Variants in SNTB1 observed in about 807,000 individuals in gnomAD.
SNTB1 encodes the protein syntrophin beta 1.
SNTB1 carries 36 observed loss-of-function variants against 48.9 expected under a neutral mutation model. The observed-to-expected ratio is 0.74, with a 90% CI of 0.56 to 0.97. The LOEUF (loss-of-function observed/expected upper bound fraction) is 0.97, where lower values mean the gene tolerates loss of function less well. SNTB1 is among the 50% of genes least tolerant of loss of function. The probability of loss-of-function intolerance (pLI) is 0.00; values close to 1 mark genes in which losing one functional copy is unlikely to be tolerated. For synonymous variants in SNTB1, 299 were observed against 294.6 expected (o/e 1.01, Z -0.15); for missense variants, 786 against 703.4 (o/e 1.12, Z -1.33).
chr8:120,624,760 A>G (rs1434089972), intron 3 of SNTB1, among the ~76,000 whole-genome samples: 2 of 152,174 alleles, frequency 1.3e-5, no homozygotes, highest in East Asian at 3.9e-4. Flanking sequence ...ATTCATACTG[A>G]GGCAAATTCC....
chr8:120,705,113 A>G (rs540552856), intron 1 of SNTB1, among the ~76,000 whole-genome samples: 5 of 152,002 alleles, frequency 3.3e-5, no homozygotes, highest in African/African-American at 1.2e-4. Context: ...CAGCTTGTTG[A>G]AAGGCTCAGG....
At chr8:120,748,604 T>C (rs1351467601) in intron 1 of SNTB1, among the ~76,000 whole-genome samples, 1 of 152,082 alleles carries the variant, frequency 6.6e-6, no homozygotes, top group African/African-American at 2.4e-5. Context: ...GAAGAAGAAA[T>C]GTGTAAGCCC....
At chr8:120,679,230 A>G (rs1817889266) in intron 2 of SNTB1, among the ~76,000 whole-genome samples, 1 of 152,204 alleles carries the variant, frequency 6.6e-6, no homozygotes, top group South Asian at 2.1e-4. Context: ...TTCTGTGTTT[A>G]GTGAGTGATT....
At chr8:120,560,915 C>T (rs1815643114) in intron 4 of SNTB1, among the ~76,000 whole-genome samples, 1 of 152,092 alleles carries the variant, frequency 6.6e-6, no homozygotes. Context: ...TGCTTAGGAT[C>T]CCACAGTTAG....
chr8:120,595,031 G>T (rs557120338), intron 3 of SNTB1, among the ~76,000 whole-genome samples: 14 of 151,822 alleles, frequency 9.2e-5, no homozygotes, highest in Non-Finnish European at 1.9e-4. Flanking sequence ...CAAGCAGAAG[G>T]CCCAGAGGCT....
chr8:120,785,064 A>G (rs767652382), intron 1 of SNTB1, among the ~76,000 whole-genome samples: 3 of 152,194 alleles, frequency 2.0e-5, no homozygotes, highest in Non-Finnish European at 4.4e-5. Flanking sequence ...GCAGGGATGG[A>G]GGGAAACCGT....
chr8:120,682,785 A>C (rs1817954288), intron 2 of SNTB1, among the ~76,000 whole-genome samples: 2 of 152,142 alleles, frequency 1.3e-5, no homozygotes, highest in Non-Finnish European at 2.9e-5. Context: ...GCATGACCAA[A>C]ATGGTGGTTC....
intron 2 of SNTB1, among the ~76,000 whole-genome samples, chr8:120,653,805 C>T (rs1037018395): frequency 2.6e-5 from 4 of 151,626 alleles, no homozygotes; most frequent in Admixed American, 2.0e-4. Flanking sequence ...TTTGGGAGGC[C>T]GAGGCGGGCG....
intron 1 of SNTB1, among the ~76,000 whole-genome samples, chr8:120,699,139 T>G (rs1368640984): frequency 6.6e-6 from 1 of 152,196 alleles, no homozygotes; most frequent in East Asian, 1.9e-4. Context: ...ATATGGCTGC[T>G]GAGTTCCAGC....
chr8:120,746,950 T>C lies in SNTB1; in HGVS notation c.572-53042A>G, dbSNP rs868326796. ...TCAGTCAGTCACAAGGATGTCATCA[T>C]GAATAGTTTGTAATAGGGAGCAACA... On this transcript the variant is annotated intron_variant, in intron 1 of 6. Coordinates refer to ENST00000517992, the MANE Select transcript of SNTB1 (RefSeq NM_021021.4). Among the ~76,000 whole-genome samples, 15 of 152,304 alleles carry C rather than the reference T, an allele frequency of 9.8e-5. No homozygotes were observed. The South Asian group carries it at 2.7e-3, about 27-fold the overall frequency.
intron 3 of SNTB1, among the ~76,000 whole-genome samples, chr8:120,604,296 A>G (rs1390505611): frequency 6.6e-6 from 1 of 152,080 alleles, no homozygotes; most frequent in African/African-American, 2.4e-5. Context: ...CTCATGGCTC[A>G]TGGTGGTGCT....
intron 3 of SNTB1, among the ~76,000 whole-genome samples, chr8:120,595,684 A>T (rs554114631): frequency 1.3e-5 from 2 of 151,906 alleles, no homozygotes; most frequent in Admixed American, 6.6e-5. Context: ...CATGGGTTCA[A>T]GCAATTCTCC....
chr8:120,699,573 C>T (rs1043390367), intron 1 of SNTB1, among the ~76,000 whole-genome samples: 6 of 152,180 alleles, frequency 3.9e-5, no homozygotes, highest in African/African-American at 9.7e-5. Flanking sequence ...CAGATGGTGG[C>T]GCCATGCTTC....
At chr8:120,676,594 G>T (rs1673406424) in intron 2 of SNTB1, among the ~76,000 whole-genome samples, 1 of 152,132 alleles carries the variant, frequency 6.6e-6, no homozygotes, top group African/African-American at 2.4e-5. Context: ...CTAAATGCTG[G>T]TATATAGCAG....
At chr8:120,747,069 TA>T (rs58040024) in intron 1 of SNTB1, among the ~76,000 whole-genome samples, 19,674 of 151,382 alleles carry the variant, frequency 0.13, 1,630 homozygotes, top group African/African-American at 0.23. Flanking sequence ...TATTTTTAAG[TA>T]AAAAAGAAAA....
chr8:120,571,210 C>T, intron 4 of SNTB1: 1 of 1,259,732 alleles, frequency 7.9e-7, no homozygotes, highest in Non-Finnish European at 1.0e-6. Context: ...GCAGAAACTA[C>T]CTTATTTCAA....
At chr8:120,586,250 T>A (rs1276069778) in intron 3 of SNTB1, among the ~76,000 whole-genome samples, 4 of 152,232 alleles carry the variant, frequency 2.6e-5, no homozygotes, top group Non-Finnish European at 2.9e-5. Context: ...AATCCGAATG[T>A]TTTTATGTAA....
Position 120,698,546 on chromosome 8 carries a change from T to TA in SNTB1, c.572-4639dup, listed in dbSNP as rs575148817. Among the ~76,000 whole-genome samples, 558 of 145,564 alleles carry TA rather than the reference T, an allele frequency of 3.8e-3. 2 individuals are homozygous for TA. Among genetic ancestry groups the TA allele is most frequent in the Admixed American group, 5.6e-3 (82 of 14,602 alleles). On this transcript the variant is annotated intron_variant, in intron 1 of 6. Transcript: ENST00000517992. ...TGAAGAAGTTTGTTATTGTGTATAA[T>TA]AAAAAAAAAAGCAAAAGAAGATTGC... is the stretch of plus-strand genomic sequence containing the variant.
rs527470938 is a variant in SNTB1 at position 120,565,910 on chromosome 8, T to C, written c.1136+9176A>G. On this transcript the variant is annotated intron_variant, in intron 4 of 6. Transcript: ENST00000517992. ...ACTCTCATGGATAGGATTAGTGCCT[T>C]ATAAAAGGACTTGGGGAGCCAGGTG... Among the ~76,000 whole-genome samples the C allele has an allele frequency of 9.1e-4, 138 of 152,190 alleles. 1 individual carries two copies. The highest frequency in any genetic ancestry group is 3.1e-3 in the African/African-American group (127 of 41,542).
Sources: gnomAD v4.1 joint callset for allele counts (sites outside exome capture counted in the v4.1 genomes callset) on GRCh38, gnomAD v4.1.1 for gene constraint, MANE v1.5 for transcripts, NCBI Gene and HGNC (gene_info 2026-07-23, HGNC 2026-07-21) for gene names.